Variants in TRPC3 observed in about 807,000 individuals in gnomAD.
The protein encoded by TRPC3 is transient receptor potential cation channel subfamily C member 3.
A neutral mutation model predicts 90.9 loss-of-function variants in TRPC3; 54 were observed. That is an observed-to-expected ratio of 0.59 (90% CI 0.48 to 0.75). TRPC3 has a LOEUF of 0.75. TRPC3 is among the 30% of genes least tolerant of loss of function. The pLI is 0.00. For missense variants in TRPC3, 918 were observed against 1,194.5 expected, an observed-to-expected ratio of 0.77 and a Z score of 3.41; for synonymous variants, 424 against 450.9, an observed-to-expected ratio of 0.94 and a Z score of 0.75.
At position 121,907,330 on chromosome 4, in the gene TRPC3, C is replaced by A; in HGVS notation, c.2030G>T (p.Gly677Val). The stretch of plus-strand genomic sequence containing the variant: ...GGTAAAAGCAGCATTAACTTTAGCC[C>A]CAAGGTAGTAAGAATAAAGTATGAA... ...GMFILYSYYL[G>V]AKVNAAFTTV... The change falls in exon 7 of 12, where the codon GGG becomes GTG. Residue 677 changes from glycine (G) to valine (V), a missense_variant. By Grantham distance (109) the Gly-to-Val change is moderately radical (BLOSUM62 -3). Coordinates refer to ENST00000379645, the MANE Select transcript of TRPC3 (RefSeq NM_001130698.2). 6.2e-7 allele frequency: 1 copy of A among 1,610,320 alleles called. No homozygotes were observed. The highest frequency in any genetic ancestry group is 8.5e-7 in the Non-Finnish European group (1 of 1,178,282).
chr4:121,924,064 TA>T (rs140181711), intron 3 of TRPC3, among the ~76,000 whole-genome samples: 3 of 152,042 alleles, frequency 2.0e-5, no homozygotes, highest in African/African-American at 7.3e-5. Context: ...ATAATCAGAG[TA>T]AAAAAATCAT....
At chr4:121,908,029 T>C (rs1192717621) in intron 6 of TRPC3, among the ~76,000 whole-genome samples, 4 of 152,142 alleles carry the variant, frequency 2.6e-5, no homozygotes, top group Non-Finnish European at 4.4e-5. Context: ...AAATAAAATA[T>C]TTCGAGGAGT....
At chr4:121,905,502 C>T (rs1038677189) in intron 7 of TRPC3, among the ~76,000 whole-genome samples, 4 of 152,068 alleles carry the variant, frequency 2.6e-5, no homozygotes, top group Non-Finnish European at 5.9e-5. Flanking sequence ...TACCTAAGTT[C>T]GTCCCTTAAA....
Position 121,932,221 on chromosome 4 carries a change from G to T in TRPC3, c.987+50C>A. 6.3e-7 allele frequency: 1 copy of T among 1,586,174 alleles called. No individual in the cohort carries two copies. ...TGGCAGAGCAGGCCAGGCAGCAGCG[G>T]GGAAGTTGGGTGAGCACACAGAGCA... is the stretch of plus-strand genomic sequence containing the variant. On this transcript the variant is annotated intron_variant, in intron 2 of 11. Transcript: ENST00000379645. The surrounding 1 kb of genome is among the most constrained non-coding windows in gnomAD (Gnocchi z 7.7).
chr4:121,932,481 G>T lies in TRPC3; in HGVS notation c.777C>A (p.Ile259=). 6.2e-7 allele frequency: 1 copy of T among 1,614,198 alleles called. No homozygotes were observed. Among genetic ancestry groups the T allele is most frequent in the Non-Finnish European group, 8.5e-7 (1 of 1,180,028 alleles). The change falls in exon 2 of 12, where the codon ATC becomes ATA. Residue 259 remains isoleucine (I), a synonymous_variant. Transcript: ENST00000379645. The surrounding 1 kb of genome is among the most constrained non-coding windows in gnomAD (Gnocchi z 7.7). The part of the protein sequence containing the change: ...VHMLLMKGAR[I]ERPHDYFCKC... ...TGCAGAAATAGTCGTGCGGCCGCTCGATCCTGGCACCCTTCATCAGCAGCA... is the reference window on the plus strand; with the variant it reads ...TGCAGAAATAGTCGTGCGGCCGCTCTATCCTGGCACCCTTCATCAGCAGCA...
intron 1 of TRPC3, among the ~76,000 whole-genome samples, chr4:121,947,335 C>G (rs1014836378): frequency 1.3e-5 from 2 of 152,066 alleles, no homozygotes; most frequent in South Asian, 4.2e-4. Flanking sequence ...AGACTCATGT[C>G]CCTAAGATTC....
intron 10 of TRPC3, among the ~76,000 whole-genome samples, chr4:121,895,070 G>A (rs981312780): frequency 1.3e-5 from 2 of 151,994 alleles, no homozygotes; most frequent in African/African-American, 4.8e-5. Context: ...TGACCAATGA[G>A]TCAAGGAAAA....
chr4:121,938,210 C>A (rs1429832487), intron 1 of TRPC3, among the ~76,000 whole-genome samples: 1 of 152,104 alleles, frequency 6.6e-6, no homozygotes, highest in Admixed American at 6.5e-5. Flanking sequence ...AGATCCCATC[C>A]TCTCACCTGA....
chr4:121,936,371 ATTTCC>A (rs1252985333), intron 1 of TRPC3, among the ~76,000 whole-genome samples: 2 of 152,164 alleles, frequency 1.3e-5, no homozygotes, highest in Non-Finnish European at 2.9e-5. Flanking sequence ...TTTGCCAGGA[ATTTCC>A]TACCCTCAGA....
chr4:121,896,615 T>C (rs953089816), intron 10 of TRPC3, among the ~76,000 whole-genome samples: 1 of 152,022 alleles, frequency 6.6e-6, no homozygotes, highest in Non-Finnish European at 1.5e-5. Flanking sequence ...CAAGGAAAAC[T>C]ACAAAACACT....
At chr4:121,931,066 C>T (rs1729901719) in intron 2 of TRPC3, among the ~76,000 whole-genome samples, 1 of 152,076 alleles carries the variant, frequency 6.6e-6, no homozygotes, top group Non-Finnish European at 1.5e-5. Flanking sequence ...ACAAAATGAG[C>T]ATTGATGGAT....
intron 1 of TRPC3, among the ~76,000 whole-genome samples, chr4:121,934,736 C>A (rs1730069265): frequency 6.6e-6 from 1 of 152,150 alleles, no homozygotes; most frequent in Non-Finnish European, 1.5e-5. Flanking sequence ...AGGCACCTAC[C>A]AGTGTCCATT....
At chr4:121,925,302 G>C (rs1729664231) in intron 2 of TRPC3, 96 bp from the exon 3 acceptor site, 1 of 1,336,828 alleles carries the variant, frequency 7.5e-7, no homozygotes, top group Non-Finnish European at 1.0e-6. Context: ...CCTTCTTTTG[G>C]GGGTAGAAAG....
intron 10 of TRPC3, among the ~76,000 whole-genome samples, chr4:121,890,614 CA>C (rs1728290569): frequency 6.6e-6 from 1 of 151,954 alleles, no homozygotes; most frequent in Admixed American, 6.6e-5. Context: ...AGAAGAAATT[CA>C]AAATAATGGA....
At chr4:121,905,550 A>G (rs1728851896) in intron 7 of TRPC3, among the ~76,000 whole-genome samples, 1 of 152,152 alleles carries the variant, frequency 6.6e-6, no homozygotes, top group Non-Finnish European at 1.5e-5. Flanking sequence ...CCAAATTGTA[A>G]TCACTAGTGA....
In TRPC3 at chr4:121,875,150, G is replaced by T. The variant is rs954743696; in HGVS notation, c.*4586C>A. ...AATAGGTAAAAAAAAAAACACCAAA[G>T]ACAGACAATGCTGGCAGTGCTTACT... On this transcript the variant is annotated 3_prime_UTR_variant, in exon 12 of 12. Transcript: ENST00000379645. Among the ~76,000 whole-genome samples the T allele has an allele frequency of 6.7e-5, 10 of 150,322 alleles. No individual in the cohort carries two copies. The highest frequency in any genetic ancestry group is 6.6e-4 in the Admixed American group (10 of 15,140).
At chr4:121,920,240 G>T (rs1269553281) in intron 3 of TRPC3, among the ~76,000 whole-genome samples, 1 of 152,066 alleles carries the variant, frequency 6.6e-6, no homozygotes, top group African/African-American at 2.4e-5. Flanking sequence ...AATGATTTTA[G>T]GCTGGACGCA....
rs1004439563 is a variant in TRPC3, at chr4:121,933,013, C to A, written c.245G>T (p.Arg82Leu). ...GCCCTTCTCCCGCATCACTGTCATGCGTCTCAGGGATGGGCTTCCCTCCAT... is the reference window on the plus strand; with the variant it reads ...GCCCTTCTCCCGCATCACTGTCATGAGTCTCAGGGATGGGCTTCCCTCCAT... ...LSMEGSPSLRRMTVMREKGRR... is the reference protein window; with the variant it reads ...LSMEGSPSLRLMTVMREKGRR... Residue 82 changes from arginine to leucine, a missense_variant, in exon 2 of 12, where the codon CGC (arginine) becomes CTC (leucine). Arg to Leu is a moderately radical substitution (Grantham distance 102). Coordinates refer to ENST00000379645, the MANE Select transcript of TRPC3 (RefSeq NM_001130698.2). 4.4e-6 allele frequency: 7 copies of A among 1,597,910 alleles called. No homozygotes were observed. The highest frequency in any genetic ancestry group is 6.0e-6 in the Non-Finnish European group (7 of 1,170,692).
chr4:121,941,020 G>C (rs1255459623), intron 1 of TRPC3, among the ~76,000 whole-genome samples: 1 of 152,172 alleles, frequency 6.6e-6, no homozygotes, highest in Admixed American at 6.5e-5. Flanking sequence ...AGAACTAGAA[G>C]ATTAGAGCTC....
Sources: allele counts gnomAD v4.1 joint callset (sites outside exome capture counted in the v4.1 genomes callset), GRCh38; gene constraint gnomAD v4.1.1; non-coding constraint Gnocchi (gnomAD v3.1); transcripts MANE v1.5; gene names NCBI Gene and HGNC (gene_info 2026-07-23, HGNC 2026-07-21).